Variants in IARS2 observed in about 807,000 individuals in gnomAD.
IARS2 encodes isoleucine--tRNA ligase, mitochondrial.
Under a neutral mutation model 126.3 loss-of-function variants are expected in IARS2, and 56 were observed. That is an observed-to-expected ratio of 0.44 (90% CI 0.36 to 0.55). The LOEUF (loss-of-function observed/expected upper bound fraction) is 0.55, where lower values mean the gene tolerates loss of function less well. Among genes scored for constraint, IARS2 ranks in the 20% least tolerant of loss-of-function variants. IARS2 has a pLI of 0.00. For missense variants in IARS2, 1,127 were observed against 1,245.9 expected, an observed-to-expected ratio of 0.90 and a Z score of 1.44; for synonymous variants, 407 against 441.1, an observed-to-expected ratio of 0.92 and a Z score of 0.97.
chr1:220,141,013 C>T (rs547319199), intron 19 of IARS2, among the ~76,000 whole-genome samples: 31 of 151,704 alleles, frequency 2.0e-4, no homozygotes, highest in South Asian at 1.3e-3. Flanking sequence ...GATTGGGTTC[C>T]GGAGTCAAGT....
intron 12 of IARS2, among the ~76,000 whole-genome samples, chr1:220,118,404 G>A (rs1656972259): frequency 6.6e-6 from 1 of 150,490 alleles, no homozygotes; most frequent in South Asian, 2.1e-4. Flanking sequence ...AATTAATAGT[G>A]TCATTTGCAT....
At chr1:220,130,187 G>C (rs1038160080) in intron 14 of IARS2, among the ~76,000 whole-genome samples, 1 of 152,050 alleles carries the variant, frequency 6.6e-6, no homozygotes, top group Non-Finnish European at 1.5e-5. Flanking sequence ...CAGACCCTTT[G>C]CCCACTTTGT....
Position 220,134,444 on chromosome 1 carries a change from A to G in IARS2, c.1880A>G (p.Gln627Arg). Residue 627 changes from glutamine (Q) to arginine (R), a missense_variant, in exon 15 of 23, where the codon CAG becomes CGG. Gln to Arg is a conservative substitution (Grantham distance 43). Transcript: ENST00000366922. ...GATTTGTACTTGGAAGGAAAAGACC[A>G]GCTCGGGGGTTGGTTTCAGTCATCC... is the stretch of plus-strand genomic sequence containing the variant. ...RADLYLEGKD[Q>R]LGGWFQSSLL... The G allele has an allele frequency of 6.2e-7, 1 of 1,613,432 alleles. No individual in the cohort carries two copies. Among genetic ancestry groups the G allele is most frequent in the Non-Finnish European group, 8.5e-7 (1 of 1,179,748 alleles).
At chr1:220,126,635 T>C in intron 13 of IARS2, 115 bp from the exon 14 acceptor site, 1 of 754,812 alleles carries the variant, frequency 1.3e-6, no homozygotes, top group Non-Finnish European at 2.2e-6. Flanking sequence ...AAATTTCATC[T>C]AAAAATGTGA....
chr1:220,117,081 T>G (rs552175091), intron 12 of IARS2, among the ~76,000 whole-genome samples: 2 of 151,450 alleles, frequency 1.3e-5, no homozygotes, highest in African/African-American at 4.8e-5. Flanking sequence ...ATTAAAGTGA[T>G]TATACCTGAG....
rs1443452430 is a variant in IARS2 at position 220,094,141 on chromosome 1, C to A, written c.-76C>A. The A allele has an allele frequency of 1.4e-6, 2 of 1,402,704 alleles. No homozygotes were observed. Among genetic ancestry groups the A allele is most frequent in the Middle Eastern group, 2.7e-4 (1 of 3,734 alleles). The allele number at this position is 1,402,704 out of a possible 1,614,324, so 86.9% of individuals were successfully genotyped here. On this transcript the variant is annotated 5_prime_UTR_variant, in exon 1 of 23. Transcript: ENST00000366922. ...GCGCGTGCGCCCTCTTACTCGGCTC[C>A]CCTTGGTTTCCTGGGGTCCTGCCCC... is the stretch of plus-strand genomic sequence containing the variant.
chr1:220,141,448 G>A (rs1657491508), intron 19 of IARS2, among the ~76,000 whole-genome samples: 1 of 152,136 alleles, frequency 6.6e-6, no homozygotes, highest in Non-Finnish European at 1.5e-5. Context: ...CTTGCACATA[G>A]GGATTATAAC....
chr1:220,110,722 AG>A (rs1339593483), intron 10 of IARS2, 63 bp from the exon 11 acceptor site: 1 of 1,275,964 alleles, frequency 7.8e-7, no homozygotes, highest in African/African-American at 1.5e-5. Context: ...GGAAGTTTAG[AG>A]CATTTTTAGG....
At chr1:220,101,384 A>C (rs897164730) in intron 3 of IARS2, among the ~76,000 whole-genome samples, 3 of 152,222 alleles carry the variant, frequency 2.0e-5, no homozygotes, top group African/African-American at 7.2e-5. Flanking sequence ...GTTGACCTTC[A>C]AATTATTTTT....
At position 220,100,548 on chromosome 1, in the gene IARS2, T is replaced by C. The variant is rs746148192; in HGVS notation, c.449T>C (p.Val150Ala). The C allele has an allele frequency of 6.2e-7, 1 of 1,613,482 alleles. No individual in the cohort carries two copies. Among genetic ancestry groups the C allele is most frequent in the Non-Finnish European group, 8.5e-7 (1 of 1,179,660 alleles). ...HMMNGSKIHFVPGWDCHGLPI... is the reference protein window; with the variant it reads ...HMMNGSKIHFAPGWDCHGLPI... ...ATGAATGGCTCCAAAATACATTTTG[T>C]GCCCGGCTGGGATTGTCATGGGTTG... Residue 150 changes from valine (V) to alanine (A), a missense_variant, in exon 3 of 23, where the codon GTG (valine) becomes GCG (alanine). Val to Ala is a moderately conservative substitution (Grantham distance 64). Coordinates refer to ENST00000366922, the MANE Select transcript of IARS2 (RefSeq NM_018060.4).
rs140503422 is a variant in IARS2 at position 220,121,260 on chromosome 1, T to C, written c.1641-3977T>C. On this transcript the variant is annotated intron_variant, in intron 12 of 22. Transcript: ENST00000366922. ...AGCTAAAAGAAAAACAAAAAACCTT[T>C]CCTCCTCACTAAGAGACTTTTGTCA... is the stretch of plus-strand genomic sequence containing the variant. 7.0e-3 allele frequency among the ~76,000 whole-genome samples: 1,064 copies of C among 152,310 alleles called. 11 individuals are homozygous for C. Among genetic ancestry groups the C allele is most frequent in the African/African-American group, 0.023 (956 of 41,572 alleles).
Position 220,107,251 on chromosome 1 carries a change from A to G in IARS2, c.1327+100A>G, listed in dbSNP as rs1484396285. 3 of 740,146 alleles carry G rather than the reference A, an allele frequency of 4.1e-6. No individual in the cohort carries two copies. In the Middle Eastern group the frequency reaches 7.2e-4, roughly 178 times the overall value. The allele number at this position is 740,146 out of a possible 1,614,324, so 45.8% of individuals were successfully genotyped here. On this transcript the variant is annotated intron_variant, in intron 10 of 22. Transcript: ENST00000366922. ...CCTCCTTATACTTTAACAGAAACAA[A>G]AAAATAAATTATGTCTTGTTTTGCC...
chr1:220,103,186 T>A (rs748068405), intron 7 of IARS2, among the ~76,000 whole-genome samples: 18 of 151,992 alleles, frequency 1.2e-4, no homozygotes, highest in African/African-American at 4.3e-4. Context: ...GATTATGGGA[T>A]TACAGGCATG....
chr1:220,096,010 A>G (rs1656430130), intron 1 of IARS2, 94 bp from the exon 2 acceptor site: 2 of 684,410 alleles, frequency 2.9e-6, no homozygotes, highest in East Asian at 5.4e-5. Context: ...ATGTAATTGG[A>G]ATGGAAATAA....
intron 2 of IARS2, among the ~76,000 whole-genome samples, chr1:220,098,480 C>A (rs1656499471): frequency 6.6e-6 from 1 of 152,104 alleles, no homozygotes; most frequent in Admixed American, 6.5e-5. Context: ...TTTTCTAACC[C>A]TATAATTTGC....
At chr1:220,115,090 A>G (rs1039206) in intron 12 of IARS2, among the ~76,000 whole-genome samples, 7,789 of 152,182 alleles carry the variant, frequency 0.051, 242 homozygotes, top group East Asian at 0.11. Flanking sequence ...CTGTTTCTGA[A>G]TCTTTCCAGA....
chr1:220,099,476 G>T (rs1263328108), intron 2 of IARS2, among the ~76,000 whole-genome samples: 1 of 152,052 alleles, frequency 6.6e-6, no homozygotes. Flanking sequence ...TCTGAATTCG[G>T]ACTAGCACCA....
chr1:220,108,634 C>T (rs369723847), intron 10 of IARS2, among the ~76,000 whole-genome samples: 59 of 152,176 alleles, frequency 3.9e-4, no homozygotes, highest in African/African-American at 1.2e-3. Context: ...ATCCACCTGC[C>T]TTGGCCTCCC....
chr1:220,102,015 A>T (rs932895134), intron 3 of IARS2, 114 bp from the exon 4 acceptor site: 2 of 1,009,952 alleles, frequency 2.0e-6, no homozygotes, highest in Non-Finnish European at 2.9e-6. Flanking sequence ...TCTCAAAAAA[A>T]ATTTGCATTC....
Sources: gnomAD v4.1 joint callset for allele counts (sites outside exome capture counted in the v4.1 genomes callset) on GRCh38, gnomAD v4.1.1 for gene constraint, MANE v1.5 for transcripts, NCBI Gene and HGNC (gene_info 2026-07-23, HGNC 2026-07-21) for gene names.